The following SLC35F1 variants were observed in gnomAD, a reference collection of about 807,000 sequenced individuals.
The protein encoded by SLC35F1 is chromosome 6 open reading frame 169.
A neutral mutation model predicts 48.7 loss-of-function variants in SLC35F1; 14 were observed. The ratio of observed to expected loss-of-function variants is 0.29; its 90% CI spans 0.19 to 0.45. The LOEUF (loss-of-function observed/expected upper bound fraction) is 0.45. Among genes scored for constraint, SLC35F1 ranks in the 20% least tolerant of loss-of-function variants. SLC35F1 has a pLI of 1.00. For missense variants in SLC35F1, 404 were observed against 500.0 expected (o/e 0.81, Z 1.83); for synonymous variants, 190 against 202.2 (o/e 0.94, Z 0.51).
At chr6:118,038,047 C>G (rs963066127) in intron 1 of SLC35F1, among the ~76,000 whole-genome samples, 1 of 152,068 alleles carries the variant, frequency 6.6e-6, no homozygotes, top group African/African-American at 2.4e-5. Flanking sequence ...AAAAAAAATA[C>G]TATTTCAGGT....
intron 3 of SLC35F1, among the ~76,000 whole-genome samples, chr6:118,256,433 C>T (rs1406567600): frequency 6.6e-6 from 1 of 152,090 alleles, no homozygotes; most frequent in Non-Finnish European, 1.5e-5. Flanking sequence ...TCAGGTTTAG[C>T]CTCTGACAGC....
chr6:118,050,799 A>G (rs920573894), intron 1 of SLC35F1, among the ~76,000 whole-genome samples: 1 of 152,146 alleles, frequency 6.6e-6, no homozygotes, highest in Non-Finnish European at 1.5e-5. Context: ...GAGTGGGTAG[A>G]CATCAAAGTA....
intron 1 of SLC35F1, among the ~76,000 whole-genome samples, chr6:118,012,530 T>G (rs1379850148): frequency 1.3e-5 from 2 of 152,098 alleles, no homozygotes; most frequent in Non-Finnish European, 2.9e-5. Flanking sequence ...CCAATTTTAT[T>G]AAAGGATCCT....
At chr6:117,920,641 G>T (rs1775885985) in intron 1 of SLC35F1, among the ~76,000 whole-genome samples, 1 of 152,178 alleles carries the variant, frequency 6.6e-6, no homozygotes, top group African/African-American at 2.4e-5. Flanking sequence ...GGGTCAGGGG[G>T]TTGTCTTGAA....
intron 1 of SLC35F1, among the ~76,000 whole-genome samples, chr6:118,039,810 T>TTTTG (rs1345173672): frequency 6.7e-6 from 1 of 148,380 alleles, no homozygotes; most frequent in African/African-American, 2.5e-5. Context: ...TTTTTTTTGT[T>TTTTG]TTTTTTTTTT....
intron 7 of SLC35F1, among the ~76,000 whole-genome samples, chr6:118,307,204 G>T (rs376617148): frequency 6.6e-6 from 1 of 152,154 alleles, no homozygotes; most frequent in Admixed American, 6.5e-5. Context: ...TCTGACTAAG[G>T]CACTCGTTTG....
intron 2 of SLC35F1, among the ~76,000 whole-genome samples, chr6:118,227,148 G>T (rs1355329521): frequency 1.6e-4 from 25 of 152,172 alleles, no homozygotes; most frequent in Admixed American, 1.5e-3. Context: ...AGGACACCAG[G>T]CTTGATTTAT....
chr6:118,073,501 T>A (rs1259885405), intron 1 of SLC35F1, among the ~76,000 whole-genome samples: 1 of 152,212 alleles, frequency 6.6e-6, no homozygotes, highest in South Asian at 2.1e-4. Context: ...GTATTCACTG[T>A]TATTAGTTAT....
At chr6:118,158,927 TA>T (rs1774183919) in intron 2 of SLC35F1, among the ~76,000 whole-genome samples, 1 of 152,086 alleles carries the variant, frequency 6.6e-6, no homozygotes, top group African/African-American at 2.4e-5. Context: ...CTAAAATTTT[TA>T]AAAAATGCTC....
intron 2 of SLC35F1, among the ~76,000 whole-genome samples, chr6:118,194,836 G>A (rs1259877672): frequency 6.6e-6 from 1 of 151,962 alleles, no homozygotes; most frequent in South Asian, 2.1e-4. Context: ...TGGCCCTAGC[G>A]ACCCTGCTTG....
At chr6:118,070,920 TAA>T (rs1491209699) in intron 1 of SLC35F1, among the ~76,000 whole-genome samples, 27 of 135,786 alleles carry the variant, frequency 2.0e-4, no homozygotes, top group South Asian at 4.5e-4. Flanking sequence ...ATATACATAG[TAA>T]ATATATATAC....
At chr6:118,171,970 T>G (rs59525222) in intron 2 of SLC35F1, among the ~76,000 whole-genome samples, 2,607 of 152,214 alleles carry the variant, frequency 0.017, 95 homozygotes, top group African/African-American at 0.06. Context: ...AATATAGGAA[T>G]TTATACCATC....
Position 118,272,737 on chromosome 6 carries a change from G to GTGTGTATATATA in SLC35F1, c.638-2721_638-2720insGTGTATATATAT, listed in dbSNP as rs201515909. Reference sequence around the variant, plus strand: ...TGGATTAAAAAATATATATGTGTGTGTATATATATATACATATATATATAT... The same window carrying GTGTGTATATATA: ...TGGATTAAAAAATATATATGTGTGTGTGTGTATATATATATATATATATACATATATATATAT... On this transcript the variant is annotated intron_variant, in intron 4 of 7. Coordinates refer to ENST00000360388, the MANE Select transcript of SLC35F1 (RefSeq NM_001029858.4). 9.7e-4 allele frequency among the ~76,000 whole-genome samples: 117 copies of GTGTGTATATATA among 120,256 alleles called. 1 individual carries two copies. The highest frequency in any genetic ancestry group is 3.6e-3 in the African/African-American group (113 of 31,078). 78.9% of individuals were successfully genotyped at this position (120,256 alleles called of 152,430 possible).
At position 118,070,111 on chromosome 6, in the gene SLC35F1, C is replaced by A. The variant is rs189289890; in HGVS notation, c.174-84334C>A. On this transcript the variant is annotated intron_variant, in intron 1 of 7. Transcript: ENST00000360388. Reference sequence around the variant, plus strand: ...AGATTGCGCCACTGCAGTCCGCAGTCCGGCCTGGGCGACAGAGCGAGACTC... The same window carrying A: ...AGATTGCGCCACTGCAGTCCGCAGTACGGCCTGGGCGACAGAGCGAGACTC... 9.2e-3 allele frequency among the ~76,000 whole-genome samples: 1,214 copies of A among 131,310 alleles called. 20 individuals carry two copies. Among genetic ancestry groups the A allele is most frequent in the African/African-American group, 0.033 (1,146 of 34,500 alleles). The allele number at this position is 131,310 out of a possible 152,430, so 86.1% of individuals were successfully genotyped here.
At chr6:117,995,055 C>T (rs1776967465) in intron 1 of SLC35F1, among the ~76,000 whole-genome samples, 1 of 152,116 alleles carries the variant, frequency 6.6e-6, no homozygotes, top group Non-Finnish European at 1.5e-5. Flanking sequence ...GTAGGAATCT[C>T]CTATGCAGTA....
intron 1 of SLC35F1, among the ~76,000 whole-genome samples, chr6:118,028,785 T>C (rs961194611): frequency 1.3e-5 from 2 of 152,074 alleles, no homozygotes; most frequent in Admixed American, 1.3e-4. Flanking sequence ...GAGTTTGGGA[T>C]GAAAATCCAC....
intron 7 of SLC35F1, among the ~76,000 whole-genome samples, chr6:118,288,891 A>C (rs1410504035): frequency 6.6e-6 from 1 of 152,104 alleles, no homozygotes; most frequent in African/African-American, 2.4e-5. Context: ...GTACAAAAAA[A>C]CCCCACAAAA....
chr6:118,175,940 GA>G (rs201589723), intron 2 of SLC35F1, among the ~76,000 whole-genome samples: 7 of 151,194 alleles, frequency 4.6e-5, no homozygotes, highest in East Asian at 1.9e-4. Flanking sequence ...TAGCGAGAGG[GA>G]AAAAAAAAGT....
chr6:118,014,046 T>A (rs1041092582), intron 1 of SLC35F1, among the ~76,000 whole-genome samples: 1 of 152,208 alleles, frequency 6.6e-6, no homozygotes, highest in African/African-American at 2.4e-5. Flanking sequence ...AAAGGACAGC[T>A]TTTGCATCAG....
Sources: allele counts gnomAD v4.1 joint callset (sites outside exome capture counted in the v4.1 genomes callset), GRCh38; gene constraint gnomAD v4.1.1; transcripts MANE v1.5; gene names NCBI Gene and HGNC (gene_info 2026-07-23, HGNC 2026-07-21).